ERCC6L: variants seen among roughly 807,000 people sequenced by gnomAD.
ERCC6L encodes the protein DNA excision repair protein ERCC-6-like.
A neutral mutation model predicts 20.1 loss-of-function variants in ERCC6L; 7 were observed. That is an observed-to-expected ratio of 0.35 (90% CI 0.20 to 0.65). ERCC6L has a LOEUF of 0.65. Ranked by LOEUF, ERCC6L falls within the 30% of genes least tolerant of loss-of-function variation. The pLI, the probability that ERCC6L is intolerant of heterozygous loss-of-function variation, is 0.69. For missense variants in ERCC6L, 592 were observed against 892.4 expected, an observed-to-expected ratio of 0.66 and a Z score of 4.29; for synonymous variants, 278 against 331.3, an observed-to-expected ratio of 0.84 and a Z score of 1.75.
chrX:72,223,340 T>TA (rs769062677), intron 1 of ERCC6L, among the ~76,000 whole-genome samples: 10,985 of 82,671 alleles, frequency 0.13, 1,350 homozygotes, highest in East Asian at 0.44. Context: ...AACTCTGTCT[T>TA]AAAAAAAAAA....
At chrX:72,215,268 G>A (rs1416568036) in intron 1 of ERCC6L, among the ~76,000 whole-genome samples, 1 of 111,764 alleles carries the variant, frequency 8.9e-6, no homozygotes, top group Non-Finnish European at 1.9e-5. Flanking sequence ...ACTTTCTGGG[G>A]TGATAATAGT....
At chrX:72,220,024 A>G (rs2042913945) in intron 1 of ERCC6L, among the ~76,000 whole-genome samples, 1 of 111,383 alleles carries the variant, frequency 9.0e-6, no homozygotes, top group African/African-American at 3.3e-5. Context: ...GATCAGGTTA[A>G]GGAAGTTACC....
At position 72,216,068 on chromosome X, in the gene ERCC6L, T is replaced by A. The variant is rs142662423; in HGVS notation, c.69-7370A>T. On this transcript the variant is annotated intron_variant, in intron 1 of 1. Transcript: ENST00000334463. ...AGGTTAAATAGAGTCCTCCAAAATT[T>A]CATGTCAACCTGGAGCCCGTGAATG... 8.8e-3 allele frequency among the ~76,000 whole-genome samples: 970 copies of A among 110,752 alleles called. 9 individuals are homozygous for A. The highest frequency in any genetic ancestry group is 0.03 in the African/African-American group (913 of 30,394).
intron 1 of ERCC6L, among the ~76,000 whole-genome samples, chrX:72,227,801 G>C (rs1351376991): frequency 9.0e-6 from 1 of 111,550 alleles, no homozygotes; most frequent in East Asian, 2.8e-4. Context: ...ACCTAATTAG[G>C]AATAAATAGT....
At position 72,208,676 on chromosome X, in the gene ERCC6L, C is replaced by T. The variant is rs200564074; in HGVS notation, c.91G>A (p.Ala31Thr). 6 of 1,194,737 alleles carry T rather than the reference C, an allele frequency of 5.0e-6. No individual in the cohort carries two copies. The highest frequency in any genetic ancestry group is 1.8e-5 in the African/African-American group (1 of 56,376). Residue 31 changes from alanine (A) to threonine (T), a missense_variant, in exon 2 of 2, where the codon GCA becomes ACA. This residue lies in a region of ERCC6L where 44 missense variants were observed against 49.8 expected (regional missense o/e 0.88). Coordinates refer to ENST00000334463, the MANE Select transcript of ERCC6L (RefSeq NM_017669.4). Reference protein sequence around the residue: ...YLRYVKEAKEATKNGDLEEAF... With the variant: ...YLRYVKEAKETTKNGDLEEAF... ...TCTTCCAGGTCTCCATTCTTAGTTG[C>T]TTCTTTGGCCTCTTTCACATATCTA...
At chrX:72,223,843 G>C (rs1340358965) in intron 1 of ERCC6L, among the ~76,000 whole-genome samples, 1 of 111,452 alleles carries the variant, frequency 9.0e-6, no homozygotes, top group African/African-American at 3.3e-5. Context: ...GCCACATCAG[G>C]GTTCCAATGT....
Position 72,208,584 on chromosome X carries a change from T to C in ERCC6L, c.183A>G (p.Gln61=), listed in dbSNP as rs765890745. 2 of 1,211,958 alleles carry C rather than the reference T, an allele frequency of 1.7e-6. No homozygotes were observed. Among genetic ancestry groups the C allele is most frequent in the Non-Finnish European group, 1.1e-6 (1 of 895,524 alleles). The change falls in exon 2 of 2, where the codon CAA becomes CAG. Residue 61 remains glutamine (Q), a synonymous_variant. Coordinates refer to ENST00000334463, the MANE Select transcript of ERCC6L (RefSeq NM_017669.4). ...FPNEKVLSRI[Q]KIQEALEELA... Reference sequence around the variant, plus strand: ...ACTCCTCCAAGGCTTCCTGTATTTTTTGGATTCTGCTCAGCACTTTTTCAT... The same window carrying C: ...ACTCCTCCAAGGCTTCCTGTATTTTCTGGATTCTGCTCAGCACTTTTTCAT...
At chrX:72,224,252 A>G (rs1308114239) in intron 1 of ERCC6L, among the ~76,000 whole-genome samples, 4 of 111,433 alleles carry the variant, frequency 3.6e-5, no homozygotes, top group Non-Finnish European at 7.5e-5. Flanking sequence ...CTTCCATACA[A>G]AACACTGCCT....
chrX:72,206,879 T>C lies in ERCC6L; in HGVS notation c.1888A>G (p.Ile630Val), dbSNP rs967229543. 1.7e-6 allele frequency: 2 copies of C among 1,211,782 alleles called. No homozygotes were observed. The highest frequency in any genetic ancestry group is 2.2e-6 in the Non-Finnish European group (2 of 895,412). The change falls in exon 2 of 2, where the codon ATC becomes GTC. Residue 630 changes from isoleucine to valine, a missense_variant. Around this residue, in one of 3 missense-constraint regions of ERCC6L, gnomAD observed 196 missense variants for 440.1 expected, o/e 0.45. Transcript: ENST00000334463. ...GTTACAGAGTTCTGAAGATCCTCGATTGTAAAGAGCTCTCTTAATTCTTGT... is the reference window on the plus strand; with the variant it reads ...GTTACAGAGTTCTGAAGATCCTCGACTGTAAAGAGCTCTCTTAATTCTTGT... ...SKQELRELFT[I>V]EDLQNSVTQL... is the part of the protein sequence containing the mutation.
chrX:72,212,613 C>T (rs1477878753), intron 1 of ERCC6L, among the ~76,000 whole-genome samples: 2 of 111,839 alleles, frequency 1.8e-5, no homozygotes, highest in African/African-American at 6.5e-5. Flanking sequence ...CTATGGAGGG[C>T]CCTTTAGAAC....
chrX:72,227,394 C>G (rs990689381), intron 1 of ERCC6L, among the ~76,000 whole-genome samples: 1 of 111,924 alleles, frequency 8.9e-6, no homozygotes, highest in Non-Finnish European at 1.9e-5. Flanking sequence ...AAAAACCACC[C>G]TCACCAGGTA....
At chrX:72,217,850 T>C (rs540603601) in intron 1 of ERCC6L, among the ~76,000 whole-genome samples, 25 of 111,902 alleles carry the variant, frequency 2.2e-4, no homozygotes, top group African/African-American at 8.1e-4. Flanking sequence ...CTTGCTTCTA[T>C]TCCATTGATC....
chrX:72,238,217 G>A (rs946350027), intron 1 of ERCC6L, among the ~76,000 whole-genome samples: 21 of 111,859 alleles, frequency 1.9e-4, no homozygotes, highest in South Asian at 3.7e-4. Context: ...TATGTTATGT[G>A]TACTTTACCA....
chrX:72,231,346 TTATAC>T (rs2042982117), intron 1 of ERCC6L, among the ~76,000 whole-genome samples: 1 of 111,313 alleles, frequency 9.0e-6, no homozygotes, highest in South Asian at 3.7e-4. Flanking sequence ...ATGATCTCGC[TTATAC>T]ATGGAATCTA....
intron 1 of ERCC6L, among the ~76,000 whole-genome samples, chrX:72,219,554 TATAA>T (rs980835074): frequency 2.9e-4 from 28 of 97,872 alleles, no homozygotes; most frequent in African/African-American, 9.8e-4. Context: ...CCTCAAAAAA[TATAA>T]ATAAATAGAC....
At chrX:72,230,710 C>G (rs972234779) in intron 1 of ERCC6L, among the ~76,000 whole-genome samples, 3 of 112,220 alleles carry the variant, frequency 2.7e-5, no homozygotes, top group Non-Finnish European at 5.6e-5. Context: ...CGCCTGTAAT[C>G]CCAGCACTTT....
In ERCC6L at chrX:72,216,291, A is replaced by C. The variant is rs1346190246; in HGVS notation, c.69-7593T>G. Among the ~76,000 whole-genome samples the C allele has an allele frequency of 2.7e-5, 3 of 110,618 alleles. No homozygotes were observed. In the East Asian group the frequency reaches 8.5e-4, roughly 31 times the overall value. On this transcript the variant is annotated intron_variant, in intron 1 of 1. Coordinates refer to ENST00000334463, the MANE Select transcript of ERCC6L (RefSeq NM_017669.4). ...CCAAAAAGCTCCTAGGATTGCCAGT[A>C]CCACCATAAACTAGGAGAGAGGCTT... is the stretch of plus-strand genomic sequence containing the variant.
At chrX:72,228,625 G>A (rs911223966) in intron 1 of ERCC6L, among the ~76,000 whole-genome samples, 1 of 111,525 alleles carries the variant, frequency 9.0e-6, no homozygotes, top group Admixed American at 9.6e-5. Flanking sequence ...GTCCTTCAGC[G>A]GTACCCTTAC....
intron 1 of ERCC6L, 48 bp downstream of exon 1, chrX:72,238,796 C>G (rs1415119318): frequency 8.8e-7 from 1 of 1,135,549 alleles, no homozygotes; most frequent in African/African-American, 1.8e-5. Context: ...CCCACCTCCA[C>G]CCTGGGCCAG....
Sources: allele counts gnomAD v4.1 joint callset (sites outside exome capture counted in the v4.1 genomes callset), GRCh38; gene constraint gnomAD v4.1.1; regional missense constraint gnomAD v4.1.1; transcripts MANE v1.5; gene names NCBI Gene and HGNC (gene_info 2026-07-23, HGNC 2026-07-21).